Variants in GAREM2 observed in about 807,000 individuals in gnomAD.
The protein encoded by GAREM2 is GRB2 associated regulator of MAPK1 subtype 2.
A neutral mutation model predicts 55.6 loss-of-function variants in GAREM2; 30 were observed. That is an observed-to-expected ratio of 0.54 (90% CI 0.40 to 0.73). GAREM2 has a LOEUF of 0.73. GAREM2 is among the 30% of genes least tolerant of loss of function. The pLI is 0.00. For synonymous variants in GAREM2, 550 were observed against 569.1 expected (o/e 0.97, Z 0.48); for missense variants, 1,075 against 1,257.7 (o/e 0.85, Z 2.20).
At chr2:26,191,918 T>C (rs1170774180), downstream of GAREM2, among the ~76,000 whole-genome samples, 1 of 152,126 alleles carries the variant, frequency 6.6e-6, no homozygotes, top group East Asian at 1.9e-4. Context: ...CAAATGATAA[T>C]AAAGATCTGG....
rs1407164719 is a variant in GAREM2, at chr2:26,187,977, C to CT, written c.2346dup (p.Ala783CysfsTer23). On this transcript the variant is annotated frameshift_variant, in exon 6 of 6. Transcript: ENST00000401533. LOFTEE classifies it high-confidence loss of function. Reference sequence around the variant, plus strand: ...ACCCAAGGGCGCCTGGAAGGGCCTCCTGCCAGTCCCCGGGATGGAGCCACA... The same window carrying CT: ...ACCCAAGGGCGCCTGGAAGGGCCTCCTTGCCAGTCCCCGGGATGGAGCCACA... The CT allele has an allele frequency of 2.1e-6, 3 of 1,461,776 alleles. No individual in the cohort carries two copies. The highest frequency in any genetic ancestry group is 2.7e-6 in the Non-Finnish European group (3 of 1,101,798). The allele number at this position is 1,461,776 out of a possible 1,614,324, so 90.6% of individuals were successfully genotyped here. A position where few individuals can be genotyped will look rare whatever the true frequency, so the allele number is the denominator to read the frequency against.
intron 2 of GAREM2, among the ~76,000 whole-genome samples, chr2:26,180,357 C>A (rs1669005649): frequency 6.6e-6 from 1 of 152,204 alleles, no homozygotes; most frequent in South Asian, 2.1e-4. Flanking sequence ...GGGCATTTTT[C>A]TGGGATGAAC....
downstream of GAREM2, among the ~76,000 whole-genome samples, chr2:26,193,280 G>T (rs997969493): frequency 7.0e-6 from 1 of 142,522 alleles, no homozygotes; most frequent in Admixed American, 7.2e-5. Context: ...CCCTTAGAAG[G>T]TTCACATGAC....
In GAREM2 at chr2:26,176,423, T is replaced by A. The variant is rs1370489280; in HGVS notation, c.192T>A (p.His64Gln). 1 of 1,550,374 alleles carries A rather than the reference T, an allele frequency of 6.5e-7. No individual in the cohort carries two copies. The highest frequency in any genetic ancestry group is 2.0e-5 in the Admixed American group (1 of 50,808). The change falls in exon 2 of 6, where the codon CAT (histidine) becomes CAA (glutamine). Residue 64 changes from histidine to glutamine, a missense_variant. Physicochemically the swap from His to Gln is conservative, Grantham distance 24 (BLOSUM62 0). Around this residue, in one of 6 missense-constraint regions of GAREM2, gnomAD observed 230 missense variants for 310.6 expected, o/e 0.74. Transcript: ENST00000401533. ...SCRQWTTVTA[H>Q]TLEEGHYVIG... ...GGCAGTGGACAACGGTGACAGCTCA[T>A]ACCCTGGAGGAGGGCCACTATGTCA...
At chr2:26,196,068 C>G in the GAREM2 span, among the ~76,000 whole-genome samples, 1 of 152,338 alleles carries the variant, frequency 6.6e-6, no homozygotes, top group Non-Finnish European at 1.5e-5. Context: ...TGCTCATTAT[C>G]TACCTGCTCT....
downstream of GAREM2, among the ~76,000 whole-genome samples, chr2:26,192,705 AG>A (rs1022469829): frequency 1.3e-5 from 2 of 152,110 alleles, no homozygotes; most frequent in African/African-American, 4.8e-5. Context: ...ACTGCACTCC[AG>A]CCTGGGCAAC....
chr2:26,190,206 A>G (rs541269937), downstream of GAREM2, among the ~76,000 whole-genome samples: 5 of 152,332 alleles, frequency 3.3e-5, no homozygotes, highest in South Asian at 1.0e-3. Flanking sequence ...TTGAAGTACA[A>G]CTGGAGCAGA....
At chr2:26,191,631 G>A (rs1449014049), downstream of GAREM2, 2 of 1,613,662 alleles carry the variant, frequency 1.2e-6, no homozygotes, top group Non-Finnish European at 1.7e-6. Flanking sequence ...CTGATGAGCT[G>A]CCAACAGAAA....
the GAREM2 span, among the ~76,000 whole-genome samples, chr2:26,201,801 T>C: frequency 6.6e-6 from 1 of 151,400 alleles, no homozygotes; most frequent in Non-Finnish European, 1.5e-5. Flanking sequence ...TTTTTTTTTT[T>C]ATTTATTTTT....
At chr2:26,180,512 C>T (rs1163083364) in intron 2 of GAREM2, among the ~76,000 whole-genome samples, 1 of 152,244 alleles carries the variant, frequency 6.6e-6, no homozygotes, top group African/African-American at 2.4e-5. Context: ...ACCCTAGGAG[C>T]ACCACCTGAA....
At chr2:26,178,578 G>A (rs1668938389) in intron 2 of GAREM2, among the ~76,000 whole-genome samples, 1 of 152,162 alleles carries the variant, frequency 6.6e-6, no homozygotes, top group African/African-American at 2.4e-5. Context: ...GACAGAGCAA[G>A]ATGGTGTTTC....
In GAREM2 at chr2:26,184,981, C is replaced by T; in HGVS notation, c.1133C>T (p.Ala378Val). ...GAAGACTGCGCCAGCCCGCGCCGCG[C>T]GCGCCTCTGCCTGCCCGCGCCGCGC... ...LAEDCASPRR[A>V]RLCLPAPRAP... The change falls in exon 4 of 6, where the codon GCG (alanine) becomes GTG (valine). Residue 378 changes from alanine to valine, a missense_variant. Ala to Val is a moderately conservative substitution (Grantham distance 64). Coordinates refer to ENST00000401533, the MANE Select transcript of GAREM2 (RefSeq NM_001168241.2). 2.5e-6 allele frequency: 3 copies of T among 1,180,224 alleles called. No homozygotes were observed. Among genetic ancestry groups the T allele is most frequent in the East Asian group, 3.7e-5 (1 of 26,694 alleles). 73.1% of individuals were successfully genotyped at this position (1,180,224 alleles called of 1,614,324 possible).
At chr2:26,196,124 C>T in the GAREM2 span, among the ~76,000 whole-genome samples, 18 of 152,296 alleles carry the variant, frequency 1.2e-4, no homozygotes, top group African/African-American at 2.9e-4. Context: ...CATTACAACC[C>T]TATGAACTGG....
chr2:26,185,351 G>C, intron 4 of GAREM2, 75 bp downstream of exon 4: 1 of 1,416,034 alleles, frequency 7.1e-7, no homozygotes, highest in East Asian at 3.0e-5. Flanking sequence ...CCCCGGCCCC[G>C]GAGTATGTGG....
downstream of GAREM2, chr2:26,191,748 T>G: frequency 1.0e-6 from 1 of 995,846 alleles, no homozygotes; most frequent in South Asian, 1.3e-5. Flanking sequence ...CGGTTGGTGC[T>G]GGCCCTCAGA....
chr2:26,204,189 CCAGATGCCTG>C, the GAREM2 span: 4 of 1,613,934 alleles, frequency 2.5e-6, no homozygotes, highest in Non-Finnish European at 3.4e-6. Context: ...CCAAGAATAG[CCAGATGCCTG>C]CAAGGCAAGG....
At position 26,176,249 on chromosome 2, in the gene GAREM2, G is replaced by A. The variant is rs1340977982; in HGVS notation, c.113-95G>A. On this transcript the variant is annotated intron_variant, in intron 1 of 5. Coordinates refer to ENST00000401533, the MANE Select transcript of GAREM2 (RefSeq NM_001168241.2). ...TTGTGTGGAGCTGTCCCTCAGGGGG[G>A]CGGTCTTGGTGAGGACGTCACTATC... 3 of 1,219,774 alleles carry A rather than the reference G, an allele frequency of 2.5e-6. No homozygotes were observed. The East Asian group carries it at 8.7e-5, about 35-fold the overall frequency. The allele number at this position is 1,219,774 out of a possible 1,614,324, so 75.6% of individuals were successfully genotyped here.
At chr2:26,192,870 A>G (rs545146779), downstream of GAREM2, among the ~76,000 whole-genome samples, 7 of 152,248 alleles carry the variant, frequency 4.6e-5, no homozygotes, top group Non-Finnish European at 1.0e-4. Flanking sequence ...AGTCTTTGTC[A>G]GAAGAGTGGG....
intron 1 of GAREM2, among the ~76,000 whole-genome samples, chr2:26,174,821 A>G (rs1222000639): frequency 2.0e-5 from 3 of 152,142 alleles, no homozygotes; most frequent in African/African-American, 7.2e-5. Flanking sequence ...TTTGGGTGAC[A>G]AGCATCTGTC....
Sources: gnomAD v4.1 joint callset for allele counts (sites outside exome capture counted in the v4.1 genomes callset) on GRCh38, gnomAD v4.1.1 for gene constraint, gnomAD v4.1.1 regional missense constraint, MANE v1.5 for transcripts, NCBI Gene and HGNC (gene_info 2026-07-23, HGNC 2026-07-21) for gene names.